Variants in DYSF observed in about 807,000 individuals in gnomAD.
DYSF encodes dysferlin.
DYSF carries 212 observed loss-of-function variants against 274.9 expected under a neutral mutation model. The observed-to-expected ratio is 0.77, with a 90% confidence interval of 0.69 to 0.86. The LOEUF (loss-of-function observed/expected upper bound fraction) is 0.86. Ranked by LOEUF, DYSF falls within the 40% of genes least tolerant of loss-of-function variation. The pLI, the probability that DYSF is intolerant of heterozygous loss-of-function variation, is 0.00. For missense variants in DYSF, 2,666 were observed against 2,783.2 expected, an observed-to-expected ratio of 0.96 and a Z score of 0.95; for synonymous variants, 1,091 against 1,078.7, an observed-to-expected ratio of 1.01 and a Z score of -0.22.
intron 1 of DYSF, among the ~76,000 whole-genome samples, chr2:71,477,268 G>A (rs2082468100): frequency 6.6e-6 from 1 of 152,146 alleles, no homozygotes; most frequent in African/African-American, 2.4e-5. Context: ...GCATGTAGAG[G>A]AGGGTTCCCG....
intron 30 of DYSF, among the ~76,000 whole-genome samples, chr2:71,584,528 G>A (rs1000067571): frequency 2.0e-5 from 3 of 152,160 alleles, no homozygotes; most frequent in Admixed American, 6.5e-5. Context: ...CTTCCTGAAG[G>A]TAGGAGGTGC....
chr2:71,470,101 G>A (rs1558934032), intron 1 of DYSF, among the ~76,000 whole-genome samples: 1 of 152,146 alleles, frequency 6.6e-6, no homozygotes, highest in Non-Finnish European at 1.5e-5. Flanking sequence ...TTTCTGCCCT[G>A]TGTCATCAGC....
intron 13 of DYSF, 99 bp from the exon 14 acceptor site, chr2:71,528,199 T>C: frequency 9.3e-7 from 1 of 1,072,268 alleles, no homozygotes; most frequent in Non-Finnish European, 1.4e-6. Context: ...AGCTTCTTGC[T>C]CAGGTAGTCC....
chr2:71,635,509 A>C (rs529336752), intron 41 of DYSF, among the ~76,000 whole-genome samples: 1 of 152,312 alleles, frequency 6.6e-6, no homozygotes, highest in African/African-American at 2.4e-5. Context: ...GCACTTTGGG[A>C]GGCAGAGGCG....
chr2:71,563,687 A>G (rs924125495), intron 23 of DYSF, among the ~76,000 whole-genome samples: 2 of 152,110 alleles, frequency 1.3e-5, no homozygotes, highest in Non-Finnish European at 2.9e-5. Context: ...CCCTGGTCAA[A>G]TCTAGTTCTC....
At chr2:71,611,368 G>A (rs767623945) in intron 37 of DYSF, 22 bp downstream of exon 37, 25 of 1,612,416 alleles carry the variant, frequency 1.6e-5, no homozygotes, top group South Asian at 2.2e-5. Flanking sequence ...GGGCCTGGGC[G>A]TGGGGGCTGG....
Position 71,686,635 on chromosome 2 carries a change from GC to G in DYSF, c.*146del. 1 of 937,292 alleles carries G rather than the reference GC, an allele frequency of 1.1e-6. No individual in the cohort carries two copies. The highest frequency in any genetic ancestry group is 1.3e-5 in the South Asian group (1 of 76,070). 58.1% of individuals were successfully genotyped at this position (937,292 alleles called of 1,614,324 possible). On this transcript the variant is annotated 3_prime_UTR_variant, in exon 56 of 56. Transcript: ENST00000410020. ...GGTGGGCAGACAGACAGATGGACCG[GC>G]CCACACTCCCAGAGTTGCTAACATG...
At chr2:71,613,223 T>C in intron 39 of DYSF, 111 bp from the exon 40 acceptor site, 1 of 905,530 alleles carries the variant, frequency 1.1e-6, no homozygotes, top group Non-Finnish European at 1.8e-6. Context: ...CTGAGAAATG[T>C]GGAGAGACTG....
chr2:71,575,045 G>T (rs1030794562), intron 30 of DYSF, among the ~76,000 whole-genome samples: 19 of 152,208 alleles, frequency 1.2e-4, no homozygotes, highest in African/African-American at 4.3e-4. Flanking sequence ...ATCCAGCCAG[G>T]ACTGGCACCT....
intron 48 of DYSF, 113 bp downstream of exon 48, chr2:71,667,628 C>A (rs1558780172): frequency 1.4e-6 from 2 of 1,472,786 alleles, no homozygotes; most frequent in East Asian, 4.9e-5. Context: ...TTGGTCAATC[C>A]TTCCTTGACC....
chr2:71,674,674 T>A (rs1246662717), intron 52 of DYSF, among the ~76,000 whole-genome samples: 1 of 152,228 alleles, frequency 6.6e-6, no homozygotes, highest in Non-Finnish European at 1.5e-5. Flanking sequence ...TCAGTCTTCA[T>A]CCTTGTGCCT....
chr2:71,519,092 CAAAA>C (rs70959240), intron 10 of DYSF, among the ~76,000 whole-genome samples: 4,163 of 59,204 alleles, frequency 0.07, 37 homozygotes, highest in African/African-American at 0.11. Flanking sequence ...CACTCCATCT[CAAAA>C]AAAAAAAAAA....
chr2:71,568,553 T>A (rs1437656888), intron 26 of DYSF, among the ~76,000 whole-genome samples: 3 of 150,170 alleles, frequency 2.0e-5, no homozygotes, highest in Non-Finnish European at 4.4e-5. Flanking sequence ...TTTATTCTTT[T>A]CATTAAAAAA....
chr2:71,607,765 G>T (rs60027898), intron 36 of DYSF, among the ~76,000 whole-genome samples: 10,733 of 152,206 alleles, frequency 0.071, 465 homozygotes, highest in African/African-American at 0.13. Context: ...TGGCTTGGTT[G>T]TCTAGATGGT....
intron 41 of DYSF, among the ~76,000 whole-genome samples, chr2:71,624,395 A>T (rs139874631): frequency 2.1e-3 from 322 of 152,310 alleles, no homozygotes; most frequent in African/African-American, 7.6e-3. Flanking sequence ...CGTCTCTATT[A>T]ATAAGTATGA....
intron 13 of DYSF, among the ~76,000 whole-genome samples, chr2:71,527,102 A>G (rs886596115): frequency 2.6e-5 from 4 of 152,202 alleles, no homozygotes; most frequent in Admixed American, 6.5e-5. Context: ...GGAAGATTCA[A>G]AACGGTCCAA....
At chr2:71,650,616 T>C (rs2094639673) in intron 42 of DYSF, among the ~76,000 whole-genome samples, 2 of 152,302 alleles carry the variant, frequency 1.3e-5, no homozygotes, top group Non-Finnish European at 1.5e-5. Context: ...CAATTGACCA[T>C]GTAACAGGCC....
At chr2:71,503,552 G>A (rs1026603100) in intron 4 of DYSF, among the ~76,000 whole-genome samples, 1 of 152,112 alleles carries the variant, frequency 6.6e-6, no homozygotes, top group African/African-American at 2.4e-5. Flanking sequence ...GCCTTGGCTC[G>A]CAGCAGCTTG....
At chr2:71,621,766 TCTC>T (rs1363103966) in intron 41 of DYSF, among the ~76,000 whole-genome samples, 1 of 152,050 alleles carries the variant, frequency 6.6e-6, no homozygotes, top group Non-Finnish European at 1.5e-5. Context: ...CTCAAGCAAT[TCTC>T]CTGCCTCAGC....
Sources: allele counts gnomAD v4.1 joint callset (sites outside exome capture counted in the v4.1 genomes callset), GRCh38; gene constraint gnomAD v4.1.1; transcripts MANE v1.5; gene names NCBI Gene and HGNC (gene_info 2026-07-23, HGNC 2026-07-21).